KCNC2: variants seen among roughly 807,000 people sequenced by gnomAD.
KCNC2 encodes the protein voltage-gated potassium channel KCNC2.
Under a neutral mutation model 44.5 loss-of-function variants are expected in KCNC2, and 21 were observed. The ratio of observed to expected loss-of-function variants is 0.47; its 90% CI spans 0.33 to 0.68. The LOEUF is 0.68. Among genes scored for constraint, KCNC2 ranks in the 30% least tolerant of loss-of-function variants. The pLI is 0.01. For missense variants in KCNC2, 589 were observed against 826.2 expected (o/e 0.71, Z 3.52); for synonymous variants, 391 against 339.1 (o/e 1.15, Z -1.68).
At position 75,041,301 on chromosome 12, in the gene KCNC2, G is replaced by GA; in HGVS notation, c.*1803dup. 6.6e-7 allele frequency: 1 copy of GA among 1,520,462 alleles called. No individual in the cohort carries two copies. 94.2% of individuals were successfully genotyped at this position (1,520,462 alleles called of 1,614,324 possible). A position where few individuals can be genotyped will look rare whatever the true frequency, so the allele number is the denominator to read the frequency against. ...TGTTCTATGTGTGGTGTTATCAAAA[G>GA]AATCACTGTGTCTCTAAATATCATA... On this transcript the variant is annotated 3_prime_UTR_variant, in exon 5 of 5. Coordinates refer to ENST00000549446, the MANE Select transcript of KCNC2 (RefSeq NM_139137.4).
At chr12:75,148,268 C>T (rs551405566) in intron 2 of KCNC2, among the ~76,000 whole-genome samples, 2 of 152,008 alleles carry the variant, frequency 1.3e-5, no homozygotes, top group Non-Finnish European at 2.9e-5. Context: ...CTTTACATGA[C>T]TAGTAAAAGA....
chr12:75,054,083 C>T (rs1881477701), intron 2 of KCNC2, among the ~76,000 whole-genome samples: 1 of 151,628 alleles, frequency 6.6e-6, no homozygotes, highest in Non-Finnish European at 1.5e-5. Context: ...ATTAGCTGGA[C>T]ATGGTGGCAC....
At chr12:75,073,329 G>A (rs577407818) in intron 2 of KCNC2, among the ~76,000 whole-genome samples, 3 of 152,222 alleles carry the variant, frequency 2.0e-5, no homozygotes, top group East Asian at 3.9e-4. Flanking sequence ...ACTTTTGATT[G>A]TTAAGTGGGA....
intron 2 of KCNC2, among the ~76,000 whole-genome samples, chr12:75,205,000 A>T (rs17195598): frequency 0.068 from 10,402 of 152,202 alleles, 482 homozygotes; most frequent in Admixed American, 0.13. Flanking sequence ...AAGGGTAAAA[A>T]TTCCAGGAGC....
chr12:75,095,238 A>C (rs1002457793), intron 2 of KCNC2, among the ~76,000 whole-genome samples: 1 of 151,864 alleles, frequency 6.6e-6, no homozygotes, highest in African/African-American at 2.4e-5. Context: ...CTTTATCTTC[A>C]AGTGGTTCCT....
intron 2 of KCNC2, among the ~76,000 whole-genome samples, chr12:75,199,704 G>A (rs569385643): frequency 6.6e-6 from 1 of 151,902 alleles, no homozygotes; most frequent in East Asian, 1.9e-4. Context: ...TCATCCCTGG[G>A]AAAACCCACC....
intron 4 of KCNC2, among the ~76,000 whole-genome samples, chr12:75,046,908 A>G (rs535525249): frequency 6.6e-6 from 1 of 152,098 alleles, no homozygotes; most frequent in Admixed American, 6.6e-5. Context: ...AAAGTGACCA[A>G]AAGAAATGAA....
At chr12:75,105,191 A>G (rs1368140183) in intron 2 of KCNC2, among the ~76,000 whole-genome samples, 1 of 152,182 alleles carries the variant, frequency 6.6e-6, no homozygotes. Context: ...TTGCAGAGTG[A>G]CATATAAGGA....
intron 2 of KCNC2, among the ~76,000 whole-genome samples, chr12:75,140,708 G>GA (rs139064947): frequency 0.024 from 3,613 of 149,184 alleles, 134 homozygotes; most frequent in African/African-American, 0.083. Context: ...GACCAAAAAA[G>GA]AAAAAAAAAG....
chr12:75,052,410 T>C (rs574804804), intron 2 of KCNC2, among the ~76,000 whole-genome samples: 29 of 152,220 alleles, frequency 1.9e-4, no homozygotes, highest in African/African-American at 6.7e-4. Context: ...ACATACTTCT[T>C]AATATTAAAG....
intron 2 of KCNC2, among the ~76,000 whole-genome samples, chr12:75,066,525 T>TCAAC: frequency 6.6e-6 from 1 of 152,338 alleles, no homozygotes; most frequent in East Asian, 1.9e-4. Context: ...TTAACTTCTG[T>TCAAC]TAATTTTACT....
chr12:75,146,280 T>A (rs1263522634), intron 2 of KCNC2, among the ~76,000 whole-genome samples: 2 of 152,186 alleles, frequency 1.3e-5, no homozygotes, highest in Admixed American at 6.5e-5. Flanking sequence ...ATCACTATCC[T>A]ATAGTTGGTT....
intron 2 of KCNC2, among the ~76,000 whole-genome samples, chr12:75,201,298 A>AAAAAAAAAAAAAAAAAAAAAAAAAG (rs71078718): frequency 2.1e-5 from 1 of 46,614 alleles, no homozygotes; most frequent in Non-Finnish European, 3.7e-5. Flanking sequence ...AAAAAAAAAA[A>AAAAAAAAAAAAAAAAAAAAAAAAAG]CCAGATTCTG....
chr12:75,160,202 G>A (rs540918031), intron 2 of KCNC2, among the ~76,000 whole-genome samples: 77 of 151,714 alleles, frequency 5.1e-4, no homozygotes, highest in African/African-American at 1.8e-3. Flanking sequence ...GAAGAAATTT[G>A]GACACAGACA....
chr12:75,135,711 C>T (rs1172790716), intron 2 of KCNC2, among the ~76,000 whole-genome samples: 1 of 152,096 alleles, frequency 6.6e-6, no homozygotes, highest in South Asian at 2.1e-4. Context: ...CACATGTCAT[C>T]GAATTGGTGA....
intron 2 of KCNC2, among the ~76,000 whole-genome samples, chr12:75,181,926 T>A (rs1892605644): frequency 1.9e-4 from 15 of 77,532 alleles, no homozygotes; most frequent in Admixed American, 1.5e-3. Flanking sequence ...CTTTTTTTTT[T>A]TTTTTTTTTT....
chr12:75,111,708 T>C (rs1444767812), intron 2 of KCNC2, among the ~76,000 whole-genome samples: 3 of 152,080 alleles, frequency 2.0e-5, no homozygotes, highest in African/African-American at 7.2e-5. Context: ...ATGTAATGTC[T>C]GAAACTAAAA....
chr12:75,193,948 G>T (rs1332493890), intron 2 of KCNC2, among the ~76,000 whole-genome samples: 1 of 151,878 alleles, frequency 6.6e-6, no homozygotes, highest in Admixed American at 6.6e-5. Flanking sequence ...GTTAATGCCA[G>T]AAATAAAATA....
At chr12:75,145,091 A>C (rs545142720) in intron 2 of KCNC2, among the ~76,000 whole-genome samples, 1 of 152,204 alleles carries the variant, frequency 6.6e-6, no homozygotes, top group African/African-American at 2.4e-5. Flanking sequence ...AAAGCCTTGC[A>C]ACATCTGTGT....
Sources: gnomAD v4.1 joint callset for allele counts (sites outside exome capture counted in the v4.1 genomes callset) on GRCh38, gnomAD v4.1.1 for gene constraint, MANE v1.5 for transcripts, NCBI Gene and HGNC (gene_info 2026-07-23, HGNC 2026-07-21) for gene names.